The following TRAFD1 variants were observed in gnomAD, a reference collection of about 807,000 sequenced individuals.
The protein encoded by TRAFD1 is TRAF-type zinc finger domain-containing protein 1.
A neutral mutation model predicts 65.3 loss-of-function variants in TRAFD1; 38 were observed. That is an observed-to-expected ratio of 0.58 (90% CI 0.45 to 0.76). The LOEUF (loss-of-function observed/expected upper bound fraction) is 0.76, where lower values mean the gene tolerates loss of function less well. Ranked by LOEUF, TRAFD1 falls within the 30% of genes least tolerant of loss-of-function variation. The probability of loss-of-function intolerance (pLI) is 0.00; values close to 1 mark genes in which losing one functional copy is unlikely to be tolerated. For missense variants in TRAFD1, 631 were observed against 712.6 expected, an observed-to-expected ratio of 0.89 and a Z score of 1.30; for synonymous variants, 223 against 257.2, an observed-to-expected ratio of 0.87 and a Z score of 1.27.
chr12:112,132,814 T>C (rs2079572687), intron 2 of TRAFD1, among the ~76,000 whole-genome samples: 1 of 152,202 alleles, frequency 6.6e-6, no homozygotes, highest in African/African-American at 2.4e-5. Context: ...AAAAGAGAAA[T>C]AAGCTATTTA....
At chr12:112,146,107 C>T (rs1191226791) in intron 7 of TRAFD1, among the ~76,000 whole-genome samples, 3 of 145,142 alleles carry the variant, frequency 2.1e-5, no homozygotes, top group African/African-American at 7.7e-5. Flanking sequence ...CAGCATGGCA[C>T]ATGTATACAT....
intron 2 of TRAFD1, among the ~76,000 whole-genome samples, chr12:112,133,793 C>G (rs2079578068): frequency 6.6e-6 from 1 of 151,384 alleles, no homozygotes; most frequent in African/African-American, 2.4e-5. Flanking sequence ...CAACCTCTGC[C>G]TCCCGGGTTC....
Position 112,152,836 on chromosome 12 carries a change from AG to A in TRAFD1, c.*46del. On this transcript the variant is annotated 3_prime_UTR_variant, in exon 12 of 12. Transcript: ENST00000412615. The surrounding 1 kb of genome is among the most constrained non-coding windows in gnomAD (Gnocchi z 5.0). ...ACATCGGTTCCTGTCTTCTGTGCAC[AG>A]CAGCACTTGCCGCTGTGCAGGCCCA... is the stretch of plus-strand genomic sequence containing the variant. 6.2e-7 allele frequency: 1 copy of A among 1,610,318 alleles called. No homozygotes were observed. The highest frequency in any genetic ancestry group is 1.1e-5 in the South Asian group (1 of 90,746).
intron 8 of TRAFD1, among the ~76,000 whole-genome samples, chr12:112,148,910 TG>T (rs955504260): frequency 6.6e-6 from 1 of 152,138 alleles, no homozygotes; most frequent in African/African-American, 2.4e-5. Flanking sequence ...ATTTCATTTC[TG>T]TAATAAAGAC....
At position 112,152,371 on chromosome 12, in the gene TRAFD1, T is replaced by G; in HGVS notation, c.1620-56T>G. 6.3e-7 allele frequency: 1 copy of G among 1,599,780 alleles called. No homozygotes were observed. Among genetic ancestry groups the G allele is most frequent in the Admixed American group, 1.7e-5 (1 of 59,986 alleles). ...GACTGCTTCCTGTTCCCTCTGAGTT[T>G]GTTGACCTTTGCTCAGGGACACTTC... is the stretch of plus-strand genomic sequence containing the variant. On this transcript the variant is annotated intron_variant, in intron 10 of 11. Coordinates refer to ENST00000412615, the MANE Select transcript of TRAFD1 (RefSeq NM_006700.3). This position sits in a 1 kb window ranked among gnomAD's most constrained non-coding sequence, Gnocchi z 5.0.
intron 8 of TRAFD1, chr12:112,149,530 G>T: frequency 4.6e-6 from 2 of 434,146 alleles, no homozygotes; most frequent in African/African-American, 2.0e-5. Context: ...AGCCCTTCCC[G>T]CATCCCTGCA....
In TRAFD1 at chr12:112,141,042, A is replaced by G. The variant is rs1169117356; in HGVS notation, c.461A>G (p.Asp154Gly). 1 of 1,614,220 alleles carries G rather than the reference A, an allele frequency of 6.2e-7. No homozygotes were observed. Among genetic ancestry groups the G allele is most frequent in the Non-Finnish European group, 8.5e-7 (1 of 1,180,042 alleles). ...NEVAIPPNAY[D>G]ESWGQDGIWI... ...GTTGCCATACCTCCTAATGCATATG[A>G]TGAATCTTGGGGTCAGGATGGAATC... Residue 154 changes from aspartate to glycine, a missense_variant, in exon 5 of 12, where the codon GAT becomes GGT. Asp to Gly is a moderately conservative substitution (Grantham distance 94). Transcript: ENST00000412615.
chr12:112,151,152 C>T (rs2030393430), intron 9 of TRAFD1, among the ~76,000 whole-genome samples: 1 of 151,760 alleles, frequency 6.6e-6, no homozygotes, highest in South Asian at 2.1e-4. Context: ...GCAGGAGAAT[C>T]ACTTGAATCC....
rs2079588805 is a variant in TRAFD1 at position 112,134,884 on chromosome 12, A to G, written c.183+11A>G. 2 of 1,612,134 alleles carry G rather than the reference A, an allele frequency of 1.2e-6. No homozygotes were observed. Among genetic ancestry groups the G allele is most frequent in the South Asian group, 1.1e-5 (1 of 91,074 alleles). ...GCAGAACACTGTCAGGTGAGCCACC[A>G]AGTACTCAAATGTTTATACATGTGT... On this transcript the variant is annotated intron_variant, in intron 3 of 11. Transcript: ENST00000412615.
chr12:112,134,206 C>T (rs1442094552), intron 2 of TRAFD1, among the ~76,000 whole-genome samples: 1 of 151,368 alleles, frequency 6.6e-6, no homozygotes, highest in African/African-American at 2.4e-5. Flanking sequence ...GACGGGGTTT[C>T]ACCATGTTGG....
At chr12:112,140,757 C>T (rs867515251) in intron 4 of TRAFD1, 62 bp from the exon 5 acceptor site, 1 of 1,579,308 alleles carries the variant, frequency 6.3e-7, no homozygotes, top group African/African-American at 1.3e-5. Context: ...TTTCCTTGCC[C>T]TATACTAAAA....
In TRAFD1 at chr12:112,137,139, C is replaced by T. The variant is rs974471225; in HGVS notation, c.237+2073C>T. Among the ~76,000 whole-genome samples, 1 of 152,150 alleles carries T rather than the reference C, an allele frequency of 6.6e-6. No individual in the cohort carries two copies. Among genetic ancestry groups the T allele is most frequent in the East Asian group, 1.9e-4 (1 of 5,178 alleles). On this transcript the variant is annotated intron_variant, in intron 4 of 11. Transcript: ENST00000412615. This position sits in a 1 kb window ranked among gnomAD's most constrained non-coding sequence, Gnocchi z 4.2. ...TCAGAAGGCTGAGGCAGGAGAATTG[C>T]TTGAACCTGGGAGGTGGAGGTTGCA...
At position 112,137,230 on chromosome 12, in the gene TRAFD1, C is replaced by CA. The variant is rs200675909; in HGVS notation, c.237+2173dup. Among the ~76,000 whole-genome samples, 314 of 150,886 alleles carry CA rather than the reference C, an allele frequency of 2.1e-3. 1 individual carries two copies. Among genetic ancestry groups the CA allele is most frequent in the Middle Eastern group, 6.8e-3 (2 of 294 alleles). On this transcript the variant is annotated intron_variant, in intron 4 of 11. Coordinates refer to ENST00000412615, the MANE Select transcript of TRAFD1 (RefSeq NM_006700.3). The surrounding 1 kb of genome is among the most constrained non-coding windows in gnomAD (Gnocchi z 4.2). ...AGGGTGAGACTCCATCTAAAACAAA[C>CA]AAAAAAAAACTGGCTCACCTTGTTT... is the stretch of plus-strand genomic sequence containing the variant.
At chr12:112,147,672 A>ATT (rs113564230) in intron 7 of TRAFD1, among the ~76,000 whole-genome samples, 14 of 142,730 alleles carry the variant, frequency 9.8e-5, no homozygotes, top group African/African-American at 1.0e-4. Context: ...ATTTAAAAAA[A>ATT]TTTTTTTTTT....
rs1158618041 is a variant in TRAFD1, at chr12:112,130,129, A to ATT, written c.-12-371_-12-370dup. On this transcript the variant is annotated intron_variant, in intron 1 of 11. Transcript: ENST00000412615. The surrounding 1 kb of genome is among the most constrained non-coding windows in gnomAD (Gnocchi z 4.4). ...AGGCACACATCACCATGCCTGGGTA[A>ATT]TTTTTTTTTTTTGTATTTTTTGTAG... Among the ~76,000 whole-genome samples the ATT allele has an allele frequency of 7.0e-6, 1 of 141,890 alleles. No individual in the cohort carries two copies. Among genetic ancestry groups the ATT allele is most frequent in the African/African-American group, 2.6e-5 (1 of 38,522 alleles). 93.1% of individuals were successfully genotyped at this position (141,890 alleles called of 152,430 possible).
chr12:112,146,987 GTTTTTTT>G (rs547077120), intron 7 of TRAFD1, among the ~76,000 whole-genome samples: 2 of 52,512 alleles, frequency 3.8e-5, no homozygotes, highest in Non-Finnish European at 7.6e-5. Context: ...GGGAACTTCT[GTTTTTTT>G]TTTTTTTTTT....
At chr12:112,133,895 G>A (rs1014544976) in intron 2 of TRAFD1, among the ~76,000 whole-genome samples, 1 of 151,272 alleles carries the variant, frequency 6.6e-6, no homozygotes, top group Non-Finnish European at 1.5e-5. Context: ...TGGTAGAAGC[G>A]GGGTTTCACC....
intron 9 of TRAFD1, among the ~76,000 whole-genome samples, chr12:112,150,554 CTTAT>C (rs924722562): frequency 1.3e-5 from 2 of 151,948 alleles, no homozygotes; most frequent in Admixed American, 6.6e-5. Context: ...CGACCTCAAA[CTTAT>C]TTATTTAATT....
chr12:112,141,879 C>T lies in TRAFD1; in HGVS notation c.644-210C>T. ...GGCTCAGTAATATTGCTTAATAATA[C>T]AGTTAGAATAATAATGGAGCCTTTT... On this transcript the variant is annotated intron_variant, in intron 5 of 11. Transcript: ENST00000412615. The T allele has an allele frequency of 5.4e-6, 3 of 554,922 alleles. No individual in the cohort carries two copies. The South Asian group carries it at 6.7e-5, about 12-fold the overall frequency. The allele number at this position is 554,922 out of a possible 1,614,324, so 34.4% of individuals were successfully genotyped here. A position where few individuals can be genotyped will look rare whatever the true frequency, so the allele number is the denominator to read the frequency against.
Sources: allele counts gnomAD v4.1 joint callset (sites outside exome capture counted in the v4.1 genomes callset), GRCh38; gene constraint gnomAD v4.1.1; non-coding constraint Gnocchi (gnomAD v3.1); transcripts MANE v1.5; gene names NCBI Gene and HGNC (gene_info 2026-07-23, HGNC 2026-07-21).